Variants in ADGRV1 observed in about 807,000 individuals in gnomAD.
ADGRV1 encodes adhesion G protein-coupled receptor V1.
ADGRV1 carries 359 observed loss-of-function variants against 596.2 expected under a neutral mutation model. That is an observed-to-expected ratio of 0.60 (90% CI 0.55 to 0.66). The LOEUF (loss-of-function observed/expected upper bound fraction) is 0.66, where lower values mean the gene tolerates loss of function less well. Among genes scored for constraint, ADGRV1 ranks in the 30% least tolerant of loss-of-function variants. The pLI is 0.00. For missense variants in ADGRV1, 7,274 were observed against 7,575.6 expected, an observed-to-expected ratio of 0.96 and a Z score of 1.48; for synonymous variants, 2,681 against 2,679.2, an observed-to-expected ratio of 1.00 and a Z score of -0.02.
At chr5:90,692,835 G>A in intron 32 of ADGRV1, 49 bp downstream of exon 32, 3 of 1,430,866 alleles carry the variant, frequency 2.1e-6, no homozygotes. Context: ...GAATTGTGGG[G>A]TGGTGGGGAA....
intron 84 of ADGRV1, among the ~76,000 whole-genome samples, chr5:90,971,470 A>G (rs1778980447): frequency 6.6e-6 from 1 of 152,230 alleles, no homozygotes; most frequent in Admixed American, 6.5e-5. Flanking sequence ...GGTTACCCAC[A>G]AAGGGAAGCC....
rs189389093 is a variant in ADGRV1 at position 90,975,341 on chromosome 5, C to T, written c.17973+9810C>T. 2.4e-3 allele frequency among the ~76,000 whole-genome samples: 358 copies of T among 152,190 alleles called. 1 individual carries two copies. The highest frequency in any genetic ancestry group is 8.3e-3 in the African/African-American group (345 of 41,494). ...AGAAATACCATTTGACCCAGCCATC[C>T]CGTTACTGGGTATATACCCAAAGGA... On this transcript the variant is annotated intron_variant, in intron 84 of 89. Transcript: ENST00000405460.
At chr5:91,104,779 A>G (rs1791698518) in intron 87 of ADGRV1, among the ~76,000 whole-genome samples, 1 of 151,984 alleles carries the variant, frequency 6.6e-6, no homozygotes, top group South Asian at 2.1e-4. Context: ...TGCAAAAATA[A>G]TTGTGATTTT....
chr5:90,895,208 A>G (rs753672294), intron 83 of ADGRV1, among the ~76,000 whole-genome samples: 10 of 152,128 alleles, frequency 6.6e-5, no homozygotes, highest in Admixed American at 1.3e-4. Flanking sequence ...GGGCCAGGTA[A>G]CCATGTTCAC....
chr5:90,800,086 A>G (rs369885302), intron 70 of ADGRV1, among the ~76,000 whole-genome samples: 19 of 152,244 alleles, frequency 1.2e-4, no homozygotes, highest in African/African-American at 4.3e-4. Context: ...ATGGGATCTA[A>G]TTAAACTAAA....
intron 77 of ADGRV1, among the ~76,000 whole-genome samples, chr5:90,835,572 TA>T (rs1246114480): frequency 6.6e-6 from 1 of 151,950 alleles, no homozygotes; most frequent in African/African-American, 2.4e-5. Flanking sequence ...GTCTAACTAA[TA>T]AAAATAAAGG....
intron 1 of ADGRV1, among the ~76,000 whole-genome samples, chr5:90,607,458 T>C (rs1453508185): frequency 6.6e-6 from 1 of 152,114 alleles, no homozygotes; most frequent in African/African-American, 2.4e-5. Context: ...TGAATGATGA[T>C]GTGAGCCGTG....
In ADGRV1 at chr5:90,854,346, A is replaced by T. The variant is rs754635138; in HGVS notation, c.17594+145A>T. ...ACCTCCACAATAAATAAGAGGAAGC[A>T]GCATAGGAAATGGTCTAGTATTGTT... On this transcript the variant is annotated intron_variant, in intron 81 of 89. Transcript: ENST00000405460. 1.5e-4 allele frequency: 87 copies of T among 588,908 alleles called. No homozygotes were observed. The Middle Eastern group carries it at 3.4e-3, about 23-fold the overall frequency. 36.5% of individuals were successfully genotyped at this position (588,908 alleles called of 1,614,324 possible).
intron 85 of ADGRV1, among the ~76,000 whole-genome samples, chr5:91,027,846 T>C (rs979647646): frequency 8.5e-5 from 13 of 152,206 alleles, no homozygotes; most frequent in African/African-American, 9.6e-5. Flanking sequence ...TAATTGTTGG[T>C]AGTATAAATA....
intron 7 of ADGRV1, 91 bp downstream of exon 7, chr5:90,627,867 T>TATTA (rs1764982911): frequency 1.4e-6 from 1 of 731,882 alleles, no homozygotes; most frequent in African/African-American, 1.8e-5. Flanking sequence ...AATGAACTGT[T>TATTA]AGAATATGTG....
rs759761847 is a variant in ADGRV1, at chr5:90,985,435, CT to C, written c.18069del (p.Phe6023LeufsTer3). ...LFFLLSWGLP[A>X]FVVILLIVIL... is the part of the protein sequence containing the mutation. ...TTCCTTCTGAGTTGGGGACTACCAG[CT>C]TTTGTGGTGATTCTCCTCATAGTTA... is the stretch of plus-strand genomic sequence containing the variant. On this transcript the variant is annotated frameshift_variant, in exon 85 of 90. Transcript: ENST00000405460. LOFTEE classifies it high-confidence loss of function. 4.3e-6 allele frequency: 7 copies of C among 1,613,514 alleles called. No individual in the cohort carries two copies. Among genetic ancestry groups the C allele is most frequent in the Admixed American group, 1.7e-5 (1 of 59,980 alleles).
intron 85 of ADGRV1, among the ~76,000 whole-genome samples, chr5:90,990,110 G>A (rs1228249013): frequency 6.6e-6 from 1 of 152,088 alleles, no homozygotes; most frequent in African/African-American, 2.4e-5. Flanking sequence ...GAGCCACTGC[G>A]CCCAGCCATG....
At chr5:90,687,800 T>A (rs1168741734) in intron 29 of ADGRV1, among the ~76,000 whole-genome samples, 2 of 152,076 alleles carry the variant, frequency 1.3e-5, no homozygotes, top group African/African-American at 4.8e-5. Context: ...CCATTCACAA[T>A]TGCTTCAAAG....
intron 85 of ADGRV1, among the ~76,000 whole-genome samples, chr5:91,029,192 A>G (rs1326933454): frequency 6.6e-6 from 1 of 152,110 alleles, no homozygotes; most frequent in Non-Finnish European, 1.5e-5. Flanking sequence ...AAATTAATTG[A>G]TGGAGCGAGA....
At chr5:91,042,822 C>T (rs889486299) in intron 85 of ADGRV1, among the ~76,000 whole-genome samples, 2 of 152,086 alleles carry the variant, frequency 1.3e-5, no homozygotes, top group African/African-American at 4.8e-5. Context: ...ATGGGAGGCA[C>T]CCTAGAAAGC....
intron 77 of ADGRV1, among the ~76,000 whole-genome samples, chr5:90,836,821 G>A (rs1765009946): frequency 6.6e-6 from 1 of 152,158 alleles, no homozygotes; most frequent in Admixed American, 6.5e-5. Flanking sequence ...AATTGGAAAT[G>A]ACAGTTTCAC....
chr5:90,909,787 TTATTA>T (rs1338087574), intron 83 of ADGRV1, among the ~76,000 whole-genome samples: 13 of 152,308 alleles, frequency 8.5e-5, no homozygotes, highest in Admixed American at 7.8e-4. Flanking sequence ...TGGACAGAAA[TTATTA>T]TATTATAATG....
intron 79 of ADGRV1, among the ~76,000 whole-genome samples, chr5:90,852,541 G>T (rs1766633515): frequency 6.6e-6 from 1 of 152,140 alleles, no homozygotes; most frequent in South Asian, 2.1e-4. Context: ...CTGGGGGACT[G>T]GTTACAAATA....
chr5:91,048,582 C>T (rs1456850884), intron 85 of ADGRV1, among the ~76,000 whole-genome samples: 14 of 152,134 alleles, frequency 9.2e-5, no homozygotes, highest in African/African-American at 3.4e-4. Context: ...CTCTCTTTTT[C>T]CTATACAAGT....
Sources: gnomAD v4.1 joint callset for allele counts (sites outside exome capture counted in the v4.1 genomes callset) on GRCh38, gnomAD v4.1.1 for gene constraint, MANE v1.5 for transcripts, NCBI Gene and HGNC (gene_info 2026-07-23, HGNC 2026-07-21) for gene names.